Variants in ARHGEF26 observed in about 807,000 individuals in gnomAD.
The protein encoded by ARHGEF26 is Rho guanine nucleotide exchange factor (GEF) 26.
Under a neutral mutation model 89.4 loss-of-function variants are expected in ARHGEF26, and 59 were observed. That is an observed-to-expected ratio of 0.66 (90% CI 0.54 to 0.82). The LOEUF (loss-of-function observed/expected upper bound fraction) is 0.82, where lower values mean the gene tolerates loss of function less well. Among genes scored for constraint, ARHGEF26 ranks in the 40% least tolerant of loss-of-function variants. ARHGEF26 has a pLI of 0.00. For synonymous variants in ARHGEF26, 500 were observed against 428.4 expected (o/e 1.17, Z -2.06); for missense variants, 1,234 against 1,085.6 (o/e 1.14, Z -1.92).
intron 11 of ARHGEF26, among the ~76,000 whole-genome samples, chr3:154,239,966 G>C (rs1042374991): frequency 6.6e-6 from 1 of 152,020 alleles, no homozygotes; most frequent in Non-Finnish European, 1.5e-5. Context: ...GGGGGGTTTG[G>C]GGGGTGAGGT....
At chr3:154,186,994 C>T (rs1406626009) in intron 6 of ARHGEF26, among the ~76,000 whole-genome samples, 4 of 134,798 alleles carry the variant, frequency 3.0e-5, no homozygotes, top group East Asian at 2.3e-4. Flanking sequence ...TGGGTTCAAG[C>T]GATTCTCTTG....
intron 6 of ARHGEF26, among the ~76,000 whole-genome samples, chr3:154,171,051 A>G (rs1712403709): frequency 6.6e-6 from 1 of 152,186 alleles, no homozygotes; most frequent in South Asian, 2.1e-4. Flanking sequence ...GAGTATTCAC[A>G]TGTGGCATAA....
rs373284519 is a variant in ARHGEF26, at chr3:154,154,675, C to T, written c.1487+1743C>T. Among the ~76,000 whole-genome samples, 19 of 151,936 alleles carry T rather than the reference C, an allele frequency of 1.3e-4. No homozygotes were observed. In the East Asian group the frequency reaches 2.3e-3, roughly 19 times the overall value. On this transcript the variant is annotated intron_variant, in intron 6 of 14. Coordinates refer to ENST00000465093, the MANE Select transcript of ARHGEF26 (RefSeq NM_015595.4). Reference sequence around the variant, plus strand: ...CCTCACTTTCTTAGATAAATGAAAGCATATTCTACTTATTTTTCTCAGCCT... The same window carrying T: ...CCTCACTTTCTTAGATAAATGAAAGTATATTCTACTTATTTTTCTCAGCCT...
At chr3:154,148,695 G>A (rs1398264888) in intron 4 of ARHGEF26, among the ~76,000 whole-genome samples, 2 of 152,144 alleles carry the variant, frequency 1.3e-5, no homozygotes, top group African/African-American at 4.8e-5. Flanking sequence ...GGTCATGCAG[G>A]AAATCCTGTG....
Position 154,155,140 on chromosome 3 carries a change from A to C in ARHGEF26, c.1487+2208A>C, listed in dbSNP as rs571285870. On this transcript the variant is annotated intron_variant, in intron 6 of 14. Coordinates refer to ENST00000465093, the MANE Select transcript of ARHGEF26 (RefSeq NM_015595.4). The stretch of plus-strand genomic sequence containing the variant: ...AGATTTTGTCTGATAGGTAAGGAGG[A>C]TTATCTGAGCATAGTTTTAGTTAGC... Among the ~76,000 whole-genome samples, 3 of 152,032 alleles carry C rather than the reference A, an allele frequency of 2.0e-5. No homozygotes were observed. In the South Asian group the frequency reaches 6.2e-4, roughly 32 times the overall value.
intron 6 of ARHGEF26, among the ~76,000 whole-genome samples, chr3:154,168,770 T>C (rs972748671): frequency 6.6e-6 from 1 of 152,182 alleles, no homozygotes; most frequent in African/African-American, 2.4e-5. Context: ...TGGTTTCTTA[T>C]TGTCCCACTT....
intron 9 of ARHGEF26, among the ~76,000 whole-genome samples, chr3:154,195,480 G>T (rs1378209020): frequency 6.6e-6 from 1 of 152,162 alleles, no homozygotes; most frequent in East Asian, 1.9e-4. Context: ...GCAAGGGATG[G>T]CAGTGGCCCC....
At chr3:154,173,384 T>C (rs981273557) in intron 6 of ARHGEF26, among the ~76,000 whole-genome samples, 1 of 152,254 alleles carries the variant, frequency 6.6e-6, no homozygotes, top group Admixed American at 6.5e-5. Context: ...ATTAAAATTA[T>C]GAAGAGACAA....
At chr3:154,237,538 T>TCACACACACACA (rs71152796) in intron 11 of ARHGEF26, among the ~76,000 whole-genome samples, 9,993 of 143,106 alleles carry the variant, frequency 0.07, 433 homozygotes, top group East Asian at 0.084. Context: ...TGAGACTCCG[T>TCACACACACACA]CACACACACA....
At chr3:154,135,342 C>T (rs1309962351) in intron 4 of ARHGEF26, among the ~76,000 whole-genome samples, 1 of 152,046 alleles carries the variant, frequency 6.6e-6, no homozygotes, top group Admixed American at 6.6e-5. Context: ...CATTTCTTCT[C>T]GATTTTCTAC....
intron 9 of ARHGEF26, among the ~76,000 whole-genome samples, chr3:154,207,460 A>C (rs1288980612): frequency 6.6e-6 from 1 of 152,250 alleles, no homozygotes; most frequent in Non-Finnish European, 1.5e-5. Flanking sequence ...GACACTTCTC[A>C]AAAGAAGACA....
intron 6 of ARHGEF26, among the ~76,000 whole-genome samples, chr3:154,169,029 A>G (rs1017008623): frequency 1.3e-5 from 2 of 152,124 alleles, no homozygotes; most frequent in Admixed American, 1.3e-4. Flanking sequence ...GTGGGAAATT[A>G]TTGAAATTGC....
At chr3:154,198,863 A>C (rs1714450411) in intron 9 of ARHGEF26, among the ~76,000 whole-genome samples, 1 of 152,098 alleles carries the variant, frequency 6.6e-6, no homozygotes, top group African/African-American at 2.4e-5. Context: ...CTGCTCCCTG[A>C]AAAGTATTGA....
rs1028948036 is a variant in ARHGEF26 at position 154,129,836 on chromosome 3, CTT to C, written c.1269+121_1269+122del. On this transcript the variant is annotated intron_variant, in intron 4 of 14. Transcript: ENST00000465093. ...GATCCTGTAACTAAGGAGAAAGACT[CTT>C]TTTAGATTGTGAAATGTTTCTCGGA... 48 of 1,192,616 alleles carry C rather than the reference CTT, an allele frequency of 4.0e-5. No individual in the cohort carries two copies. In the African/African-American group the frequency reaches 6.2e-4, roughly 15 times the overall value. 73.9% of individuals were successfully genotyped at this position (1,192,616 alleles called of 1,614,324 possible).
At chr3:154,200,737 T>G (rs1179141848) in intron 9 of ARHGEF26, among the ~76,000 whole-genome samples, 1 of 151,718 alleles carries the variant, frequency 6.6e-6, no homozygotes, top group East Asian at 1.9e-4. Context: ...ATGGAATATT[T>G]TTTAATTTTT....
chr3:154,248,203 A>C (rs770892158), intron 12 of ARHGEF26, among the ~76,000 whole-genome samples: 1 of 152,192 alleles, frequency 6.6e-6, no homozygotes. Context: ...ACCTTAGCCC[A>C]TAATCAAATA....
At chr3:154,201,756 G>A (rs903379745) in intron 9 of ARHGEF26, among the ~76,000 whole-genome samples, 1 of 152,202 alleles carries the variant, frequency 6.6e-6, no homozygotes, top group Non-Finnish European at 1.5e-5. Context: ...GATAGCCAGT[G>A]ATGATGAGCA....
chr3:154,126,243 A>G (rs770307462), intron 3 of ARHGEF26, among the ~76,000 whole-genome samples: 7 of 152,184 alleles, frequency 4.6e-5, no homozygotes, highest in African/African-American at 7.2e-5. Flanking sequence ...AGTTGATGAG[A>G]AAAGGGGCAG....
Position 154,255,335 on chromosome 3 carries a change from G to A in ARHGEF26, c.2478G>A (p.Trp826Ter). 2 of 1,612,530 alleles carry A rather than the reference G, an allele frequency of 1.2e-6. No individual in the cohort carries two copies. The highest frequency in any genetic ancestry group is 1.1e-5 in the South Asian group (1 of 90,918). The change falls in exon 15 of 15, where the codon TGG (tryptophan) becomes TGA (stop). Residue 826 changes from tryptophan (W) to a stop codon, truncating the protein, a stop_gained. Transcript: ENST00000465093. LOFTEE classifies it high-confidence loss of function. Reference protein sequence around the residue: ...VLIYQRVSDGWYEGERLRDGE... With the variant: ...VLIYQRVSDG ...GGACTCTGTTCTTTTTCACAGGCTG[G>A]TATGAGGGGGAACGACTACGAGATG...
Sources: allele counts gnomAD v4.1 joint callset (sites outside exome capture counted in the v4.1 genomes callset), GRCh38; gene constraint gnomAD v4.1.1; transcripts MANE v1.5; gene names NCBI Gene and HGNC (gene_info 2026-07-23, HGNC 2026-07-21).